The following ATP8A2 variants were observed in gnomAD, a reference collection of about 807,000 sequenced individuals.
ATP8A2 encodes ATPase phospholipid transporting 8A2.
Under a neutral mutation model 165.6 loss-of-function variants are expected in ATP8A2, and 100 were observed. The observed-to-expected ratio is 0.60, with a 90% CI of 0.51 to 0.71. ATP8A2 has a LOEUF of 0.71. Among genes scored for constraint, ATP8A2 ranks in the 30% least tolerant of loss-of-function variants. The pLI is 0.00. For missense variants in ATP8A2, 1,227 were observed against 1,479.5 expected, an observed-to-expected ratio of 0.83 and a Z score of 2.80; for synonymous variants, 543 against 548.8, an observed-to-expected ratio of 0.99 and a Z score of 0.15.
intron 23 of ATP8A2, among the ~76,000 whole-genome samples, chr13:25,585,604 A>G (rs1257125640): frequency 6.6e-6 from 1 of 152,194 alleles, no homozygotes; most frequent in Non-Finnish European, 1.5e-5. Context: ...AAATTTTAAT[A>G]CATTTTATTG....
intron 1 of ATP8A2, among the ~76,000 whole-genome samples, chr13:25,399,430 G>A (rs1450325089): frequency 2.5e-5 from 3 of 120,086 alleles, no homozygotes; most frequent in Non-Finnish European, 5.0e-5. Flanking sequence ...ACGGAGTTTC[G>A]CTCTGTCGCC....
chr13:25,513,061 A>AC (rs1459801225), intron 2 of ATP8A2, among the ~76,000 whole-genome samples: 1 of 105,884 alleles, frequency 9.4e-6, no homozygotes, highest in East Asian at 3.0e-4. Flanking sequence ...GCGGGGGCTG[A>AC]CCCCCACCTC....
chr13:25,655,031 T>C (rs982681205), intron 24 of ATP8A2, among the ~76,000 whole-genome samples: 3 of 152,206 alleles, frequency 2.0e-5, no homozygotes, highest in Non-Finnish European at 2.9e-5. Flanking sequence ...GACTAAGTGT[T>C]TTTTTACAAG....
At chr13:25,469,220 C>G (rs113068536) in intron 2 of ATP8A2, 99 bp downstream of exon 2, 1 of 1,425,098 alleles carries the variant, frequency 7.0e-7, no homozygotes, top group South Asian at 1.3e-5. Flanking sequence ...CTGGCCGGCC[C>G]CCGTCCATCT....
intron 2 of ATP8A2, among the ~76,000 whole-genome samples, chr13:25,504,867 G>C (rs1223562387): frequency 6.6e-6 from 1 of 151,956 alleles, no homozygotes; most frequent in Non-Finnish European, 1.5e-5. Flanking sequence ...CCCTAAACCA[G>C]GCTATTGTTC....
At chr13:25,386,258 G>A (rs866662743) in intron 1 of ATP8A2, among the ~76,000 whole-genome samples, 34 of 152,100 alleles carry the variant, frequency 2.2e-4, no homozygotes, top group African/African-American at 6.5e-4. Flanking sequence ...TGCTCACATC[G>A]GTGAGTGCAT....
chr13:25,952,113 C>T (rs1241136414), intron 33 of ATP8A2, among the ~76,000 whole-genome samples: 1 of 152,166 alleles, frequency 6.6e-6, no homozygotes, highest in African/African-American at 2.4e-5. Context: ...AATTCCTTTG[C>T]ATTCACACAG....
At chr13:25,678,523 G>A (rs1243714154) in intron 24 of ATP8A2, among the ~76,000 whole-genome samples, 3 of 152,026 alleles carry the variant, frequency 2.0e-5, no homozygotes, top group African/African-American at 7.3e-5. Flanking sequence ...CCCTGAGAGT[G>A]TGCCAGCAGG....
intron 1 of ATP8A2, among the ~76,000 whole-genome samples, chr13:25,436,584 GT>G (rs1470098620): frequency 6.6e-6 from 1 of 152,086 alleles, no homozygotes; most frequent in Non-Finnish European, 1.5e-5. Context: ...GCGTGTGTCT[GT>G]TTGGTAGAAT....
intron 24 of ATP8A2, among the ~76,000 whole-genome samples, chr13:25,616,771 T>C (rs1355835958): frequency 6.6e-6 from 1 of 152,172 alleles, no homozygotes; most frequent in African/African-American, 2.4e-5. Flanking sequence ...TTCTGAGTCA[T>C]GAGCACCAGG....
intron 25 of ATP8A2, among the ~76,000 whole-genome samples, chr13:25,760,331 A>G (rs2044356458): frequency 6.6e-6 from 1 of 152,220 alleles, no homozygotes; most frequent in Non-Finnish European, 1.5e-5. Context: ...AGATGGCCAT[A>G]TATATGCCTC....
intron 10 of ATP8A2, among the ~76,000 whole-genome samples, chr13:25,545,039 T>C (rs921994164): frequency 2.0e-5 from 3 of 151,472 alleles, no homozygotes; most frequent in African/African-American, 7.3e-5. Flanking sequence ...TGGCGCACCG[T>C]CTGCTTGGGG....
At chr13:25,734,869 C>T (rs747765577) in intron 25 of ATP8A2, among the ~76,000 whole-genome samples, 2 of 152,132 alleles carry the variant, frequency 1.3e-5, no homozygotes, top group Non-Finnish European at 2.9e-5. Flanking sequence ...GAACTCCTGA[C>T]CTCGAGTGAT....
Position 25,581,971 on chromosome 13 carries a change from C to T in ATP8A2, c.2146+14C>T. ...CGATTAATATAGGTAATTATTTTTA[C>T]AAATAATTTCCTGATGCTGGGTTTT... On this transcript the variant is annotated intron_variant, in intron 23 of 36. Coordinates refer to ENST00000381655, the MANE Select transcript of ATP8A2 (RefSeq NM_016529.6). 1.9e-6 allele frequency: 3 copies of T among 1,591,746 alleles called. No homozygotes were observed. The highest frequency in any genetic ancestry group is 2.6e-6 in the Non-Finnish European group (3 of 1,169,764).
At chr13:26,017,637 G>A (rs775981194) in intron 36 of ATP8A2, among the ~76,000 whole-genome samples, 9 of 152,202 alleles carry the variant, frequency 5.9e-5, no homozygotes, top group Non-Finnish European at 1.3e-4. Context: ...GCTCTTAGGA[G>A]AACAGGAGTG....
At chr13:25,812,620 A>G (rs572853259) in intron 27 of ATP8A2, among the ~76,000 whole-genome samples, 13 of 144,004 alleles carry the variant, frequency 9.0e-5, no homozygotes, top group African/African-American at 2.8e-4. Context: ...AATAGAAATT[A>G]AAACAAAATT....
chr13:25,889,922 G>T (rs963593018), intron 33 of ATP8A2, among the ~76,000 whole-genome samples: 3 of 152,078 alleles, frequency 2.0e-5, no homozygotes, highest in African/African-American at 7.2e-5. Context: ...CAGCACTTTG[G>T]AAGGCCAACG....
chr13:25,579,914 A>G lies in ATP8A2; in HGVS notation c.1974A>G (p.Gln658=). The change falls in exon 22 of 37, where the codon CAA becomes CAG. Residue 658 remains glutamine (Q), a synonymous_variant. Coordinates refer to ENST00000381655, the MANE Select transcript of ATP8A2 (RefSeq NM_016529.6). ...EASTILKDRA[Q]RLEECYEIIE... is the part of the protein sequence containing the mutation. ...GCACCATATTGAAGGACAGAGCTCA[A>G]CGGTTGGAAGAGTGTTACGAGATCA... The G allele has an allele frequency of 1.2e-6, 2 of 1,614,076 alleles. No homozygotes were observed. Among genetic ancestry groups the G allele is most frequent in the Non-Finnish European group, 1.7e-6 (2 of 1,179,988 alleles).
At chr13:25,606,626 GC>G (rs2040524639) in intron 24 of ATP8A2, among the ~76,000 whole-genome samples, 1 of 151,982 alleles carries the variant, frequency 6.6e-6, no homozygotes, top group Non-Finnish European at 1.5e-5. Context: ...AGGTACTTTT[GC>G]CCCTTATTAC....
Sources: allele counts gnomAD v4.1 joint callset (sites outside exome capture counted in the v4.1 genomes callset), GRCh38; gene constraint gnomAD v4.1.1; transcripts MANE v1.5; gene names NCBI Gene and HGNC (gene_info 2026-07-23, HGNC 2026-07-21).